Variants in GLRB observed in about 807,000 individuals in gnomAD.
The protein encoded by GLRB is glycine receptor beta.
Under a neutral mutation model 54.2 loss-of-function variants are expected in GLRB, and 33 were observed. The observed-to-expected ratio is 0.61, with a 90% confidence interval of 0.46 to 0.81. The LOEUF is 0.81. GLRB is among the 40% of genes least tolerant of loss of function. GLRB has a pLI of 0.00. For synonymous variants in GLRB, 209 were observed against 208.2 expected (o/e 1.00, Z -0.03); for missense variants, 572 against 584.6 (o/e 0.98, Z 0.22).
intron 4 of GLRB, among the ~76,000 whole-genome samples, chr4:157,129,930 C>G (rs1441789109): frequency 6.6e-6 from 1 of 151,522 alleles, no homozygotes; most frequent in Non-Finnish European, 1.5e-5. Flanking sequence ...ACATGTTACA[C>G]TATATGCAGA....
chr4:157,097,943 C>A (rs1315520650), intron 2 of GLRB, among the ~76,000 whole-genome samples: 1 of 152,110 alleles, frequency 6.6e-6, no homozygotes, highest in Non-Finnish European at 1.5e-5. Flanking sequence ...ATCTCTTGAA[C>A]CTGGGAGGCG....
At chr4:157,155,524 T>C (rs1477670882) in intron 9 of GLRB, among the ~76,000 whole-genome samples, 1 of 152,218 alleles carries the variant, frequency 6.6e-6, no homozygotes, top group Admixed American at 6.5e-5. Context: ...TTCTCCTTCA[T>C]TGTTGAAGGA....
Position 157,170,833 on chromosome 4 carries a change from A to G in GLRB, c.*105A>G, listed in dbSNP as rs979831390. 1.3e-5 allele frequency: 8 copies of G among 631,092 alleles called. No homozygotes were observed. In the Admixed American group the frequency reaches 2.5e-4, roughly 20 times the overall value. 39.1% of individuals were successfully genotyped at this position (631,092 alleles called of 1,614,324 possible). ...TTTTGAATTTTCATAGCAACATTGC[A>G]TTTTGGATGCCATTTGATTGTAATA... On this transcript the variant is annotated 3_prime_UTR_variant, in exon 10 of 10. Coordinates refer to ENST00000264428, the MANE Select transcript of GLRB (RefSeq NM_000824.5).
intron 2 of GLRB, among the ~76,000 whole-genome samples, chr4:157,078,617 T>C (rs1019319022): frequency 6.6e-6 from 1 of 152,182 alleles, no homozygotes; most frequent in Admixed American, 6.5e-5. Flanking sequence ...GAAATTCATA[T>C]GATAGATCAA....
chr4:157,169,390 C>T (rs1157977614), intron 9 of GLRB, among the ~76,000 whole-genome samples: 69 of 152,130 alleles, frequency 4.5e-4, no homozygotes, highest in Non-Finnish European at 2.9e-5. Flanking sequence ...TTAGCCTACT[C>T]CTCTAATCTA....
At chr4:157,167,838 A>G (rs1048515545) in intron 9 of GLRB, among the ~76,000 whole-genome samples, 3 of 152,160 alleles carry the variant, frequency 2.0e-5, no homozygotes, top group Admixed American at 1.3e-4. Context: ...GGAAGGTTAC[A>G]GTTATGGTGG....
At chr4:157,093,332 A>G (rs917640879) in intron 2 of GLRB, among the ~76,000 whole-genome samples, 6 of 152,180 alleles carry the variant, frequency 3.9e-5, no homozygotes, top group African/African-American at 1.4e-4. Context: ...ACCATTCCTA[A>G]GCTACTGTAG....
At chr4:157,139,477 G>A (rs1419421465) in intron 7 of GLRB, among the ~76,000 whole-genome samples, 2 of 152,038 alleles carry the variant, frequency 1.3e-5, no homozygotes, top group Non-Finnish European at 2.9e-5. Context: ...CTAGGTCACA[G>A]AACAGCCAAT....
chr4:157,116,885 A>G (rs1735626807), intron 2 of GLRB, among the ~76,000 whole-genome samples: 1 of 151,740 alleles, frequency 6.6e-6, no homozygotes, highest in Non-Finnish European at 1.5e-5. Flanking sequence ...TGAGACATGA[A>G]AATATATATT....
intron 7 of GLRB, among the ~76,000 whole-genome samples, chr4:157,142,788 A>G (rs974059620): frequency 2.0e-5 from 3 of 152,144 alleles, no homozygotes; most frequent in African/African-American, 7.2e-5. Flanking sequence ...ACAGAAAACG[A>G]TTATAGATAT....
intron 2 of GLRB, among the ~76,000 whole-genome samples, chr4:157,089,426 T>C (rs1468583128): frequency 1.3e-5 from 2 of 152,074 alleles, no homozygotes; most frequent in African/African-American, 4.8e-5. Context: ...TAAATGAAGA[T>C]ACGAATTTTA....
chr4:157,141,715 G>A (rs1044581706), intron 7 of GLRB, among the ~76,000 whole-genome samples: 1 of 151,918 alleles, frequency 6.6e-6, no homozygotes, highest in Non-Finnish European at 1.5e-5. Flanking sequence ...ATCAAAAAAA[G>A]ATCAAGAAAT....
chr4:157,122,987 G>A (rs1425387072), intron 4 of GLRB, among the ~76,000 whole-genome samples: 6 of 151,684 alleles, frequency 4.0e-5, no homozygotes, highest in Non-Finnish European at 8.8e-5. Flanking sequence ...GAAAGGAATA[G>A]GAAAGAGGTT....
chr4:157,084,725 G>A (rs1251854163), intron 2 of GLRB: 2 of 455,636 alleles, frequency 4.4e-6, no homozygotes, highest in Non-Finnish European at 8.8e-6. Context: ...ACTAAGAAGG[G>A]TAGGTTACTG....
In GLRB at chr4:157,138,912, T is replaced by G. The variant is rs1736510425; in HGVS notation, c.714T>G (p.Ile238Met). Residue 238 changes from isoleucine (I) to methionine (M), a missense_variant, in exon 7 of 10, where the codon ATT becomes ATG. By Grantham distance (10) the Ile-to-Met change is conservative. Coordinates refer to ENST00000264428, the MANE Select transcript of GLRB (RefSeq NM_000824.5). ...LPQFDIKKEDIEYGNCTKYYK... is the reference protein window; with the variant it reads ...LPQFDIKKEDMEYGNCTKYYK... ...AATTTGATATCAAAAAGGAAGATAT[T>G]GAATATGGTAACTGTACAAAATACT... 1 of 1,474,168 alleles carries G rather than the reference T, an allele frequency of 6.8e-7. No individual in the cohort carries two copies. Among genetic ancestry groups the G allele is most frequent in the Non-Finnish European group, 9.5e-7 (1 of 1,053,620 alleles). 91.3% of individuals were successfully genotyped at this position (1,474,168 alleles called of 1,614,324 possible). A position where few individuals can be genotyped will look rare whatever the true frequency, so the allele number is the denominator to read the frequency against.
intron 4 of GLRB, among the ~76,000 whole-genome samples, chr4:157,132,021 C>T (rs1237957646): frequency 6.6e-6 from 1 of 151,724 alleles, no homozygotes; most frequent in Non-Finnish European, 1.5e-5. Flanking sequence ...TGATTTTTAT[C>T]AACAATGAAT....
At chr4:157,120,161 T>C (rs7690408) in intron 2 of GLRB, among the ~76,000 whole-genome samples, 62,580 of 146,382 alleles carry the variant, frequency 0.43, 15,513 homozygotes, top group African/African-American at 0.7. Context: ...CGTGTTCTCA[T>C]TCATAGGTGG....
At chr4:157,091,363 T>C (rs948985699) in intron 2 of GLRB, 4 of 152,214 alleles carry the variant, frequency 2.6e-5, no homozygotes, top group African/African-American at 9.6e-5. Flanking sequence ...TACTATATGA[T>C]GTTGAAGAAT....
intron 9 of GLRB, among the ~76,000 whole-genome samples, chr4:157,164,689 C>T (rs1737645079): frequency 6.6e-6 from 1 of 151,994 alleles, no homozygotes; most frequent in Non-Finnish European, 1.5e-5. Context: ...TGCAATGATC[C>T]TGATACCTTA....
Sources: gnomAD v4.1 joint callset for allele counts (sites outside exome capture counted in the v4.1 genomes callset) on GRCh38, gnomAD v4.1.1 for gene constraint, MANE v1.5 for transcripts, NCBI Gene and HGNC (gene_info 2026-07-23, HGNC 2026-07-21) for gene names.